The following NFIX variants were observed in gnomAD, a reference collection of about 807,000 sequenced individuals.
The protein encoded by NFIX is nuclear factor 1 X-type.
NFIX carries 2 observed loss-of-function variants against 53.3 expected under a neutral mutation model. The ratio of observed to expected loss-of-function variants is 0.04; its 90% confidence interval spans 0.02 to 0.12. The LOEUF is 0.12. NFIX is among the 10% of genes least tolerant of loss of function. NFIX has a pLI of 1.00. For missense variants in NFIX, 310 were observed against 674.5 expected (o/e 0.46, Z 5.99); for synonymous variants, 244 against 289.0 (o/e 0.84, Z 1.58).
rs1361608894 is a variant in NFIX, at chr19:13,040,603, C to T, written c.559+15051C>T. Among the ~76,000 whole-genome samples the T allele has an allele frequency of 6.6e-6, 1 of 152,186 alleles. No homozygotes were observed. Among genetic ancestry groups the T allele is most frequent in the Admixed American group, 6.5e-5 (1 of 15,284 alleles). ...ACAGACTCATGGCTGCTATTCCTGC[C>T]CTCCATCTCCTGGAGACCCCTTCAG... On this transcript the variant is annotated intron_variant, in intron 2 of 10. Transcript: ENST00000592199. The surrounding 1 kb of genome is among the most constrained non-coding windows in gnomAD (Gnocchi z 4.2).
intron 1 of NFIX, among the ~76,000 whole-genome samples, chr19:13,003,326 A>G (rs1033423680): frequency 3.3e-5 from 5 of 152,170 alleles, no homozygotes; most frequent in Non-Finnish European, 7.4e-5. Flanking sequence ...AGGGACGTGC[A>G]TGTGGGTGCA....
chr19:13,077,581 C>T (rs901882284), intron 6 of NFIX, among the ~76,000 whole-genome samples: 3 of 152,160 alleles, frequency 2.0e-5, no homozygotes, highest in Non-Finnish European at 2.9e-5. Context: ...GCCCTTCCCC[C>T]GCCCCTTCCC....
In NFIX at chr19:13,052,109, A is replaced by G. The variant is rs1167211282; in HGVS notation, c.560-20938A>G. On this transcript the variant is annotated intron_variant, in intron 2 of 10. Coordinates refer to ENST00000592199, the MANE Select transcript of NFIX (RefSeq NM_001365902.3). The surrounding 1 kb of genome is among the most constrained non-coding windows in gnomAD (Gnocchi z 5.2). ...AGGCATCCAGGTGGTGCCCGGGTTG[A>G]TATGCAGCTGCCTGCCCTTGCACCT... Among the ~76,000 whole-genome samples, 1 of 152,056 alleles carries G rather than the reference A, an allele frequency of 6.6e-6. No homozygotes were observed. Among genetic ancestry groups the G allele is most frequent in the Non-Finnish European group, 1.5e-5 (1 of 68,004 alleles).
At chr19:13,044,204 G>T (rs1156421576) in intron 2 of NFIX, among the ~76,000 whole-genome samples, 6 of 152,190 alleles carry the variant, frequency 3.9e-5, no homozygotes, top group Non-Finnish European at 7.3e-5. Flanking sequence ...GTGGGTAGTT[G>T]TGTAGGACAG....
In NFIX at chr19:13,005,392, G is replaced by A. The variant is rs933762410; in HGVS notation, c.27+9528G>A. 2.6e-5 allele frequency among the ~76,000 whole-genome samples: 4 copies of A among 152,156 alleles called. No individual in the cohort carries two copies. The highest frequency in any genetic ancestry group is 2.4e-5 in the African/African-American group (1 of 41,426). On this transcript the variant is annotated intron_variant, in intron 1 of 10. Coordinates refer to ENST00000592199, the MANE Select transcript of NFIX (RefSeq NM_001365902.3). This position sits in a 1 kb window ranked among gnomAD's most constrained non-coding sequence, Gnocchi z 4.7. ...GCAGGTACTGTTATTAGGAGAGTGG[G>A]GCCTGCAGAGCCAGCTTCCTGGGTT...
Position 13,067,628 on chromosome 19 carries a change from T to A in NFIX, c.560-5419T>A, listed in dbSNP as rs2016505881. Reference sequence around the variant, plus strand: ...CACACCCCTCAGCCTCCATAAAACTTGTTAGGCCAAAGTCCGTGGGGGCAA... The same window carrying A: ...CACACCCCTCAGCCTCCATAAAACTAGTTAGGCCAAAGTCCGTGGGGGCAA... On this transcript the variant is annotated intron_variant, in intron 2 of 10. Coordinates refer to ENST00000592199, the MANE Select transcript of NFIX (RefSeq NM_001365902.3). The surrounding 1 kb of genome is among the most constrained non-coding windows in gnomAD (Gnocchi z 4.2). 6.6e-6 allele frequency among the ~76,000 whole-genome samples: 1 copy of A among 152,014 alleles called. No homozygotes were observed. Among genetic ancestry groups the A allele is most frequent in the African/African-American group, 2.4e-5 (1 of 41,364 alleles).
intron 1 of NFIX, among the ~76,000 whole-genome samples, chr19:13,019,461 GTCT>G (rs1254434993): frequency 1.3e-5 from 2 of 152,108 alleles, no homozygotes; most frequent in Non-Finnish European, 2.9e-5. Context: ...GCCCTTTTCT[GTCT>G]TCTTATTTTT....
rs1310515899 is a variant in NFIX at position 13,045,021 on chromosome 19, G to C, written c.559+19469G>C. ...GACACGGGATGACTGCAGTACTGAG[G>C]ATGGTGAGAACAGCGGTGGCCCGCC... On this transcript the variant is annotated intron_variant, in intron 2 of 10. Coordinates refer to ENST00000592199, the MANE Select transcript of NFIX (RefSeq NM_001365902.3). This position sits in a 1 kb window ranked among gnomAD's most constrained non-coding sequence, Gnocchi z 4.4. 2.6e-5 allele frequency among the ~76,000 whole-genome samples: 4 copies of C among 152,210 alleles called. No homozygotes were observed. Among genetic ancestry groups the C allele is most frequent in the Non-Finnish European group, 4.4e-5 (3 of 68,016 alleles).
At position 13,090,283 on chromosome 19, in the gene NFIX, C is replaced by A; in HGVS notation, c.1403-16C>A. 6.2e-7 allele frequency: 1 copy of A among 1,613,376 alleles called. No homozygotes were observed. Among genetic ancestry groups the A allele is most frequent in the Non-Finnish European group, 8.5e-7 (1 of 1,179,396 alleles). The stretch of plus-strand genomic sequence containing the variant: ...GGCCTGACAGGGTCTCTCCCTCTCT[C>A]CCCTGCTCCCCACAGCATTCGCAAC... On this transcript the variant is annotated splice_polypyrimidine_tract_variant and intron_variant, in intron 9 of 10. Transcript: ENST00000592199. This position sits in a 1 kb window ranked among gnomAD's most constrained non-coding sequence, Gnocchi z 6.6.
chr19:13,056,034 G>A (rs779386464), intron 2 of NFIX, among the ~76,000 whole-genome samples: 1 of 152,190 alleles, frequency 6.6e-6, no homozygotes, highest in Non-Finnish European at 1.5e-5. Context: ...AGGGGAGTGA[G>A]GGCTGAAAAG....
rs1194955384 is a variant in NFIX, at chr19:13,001,518, T to C, written c.27+5654T>C. On this transcript the variant is annotated intron_variant, in intron 1 of 10. Coordinates refer to ENST00000592199, the MANE Select transcript of NFIX (RefSeq NM_001365902.3). The surrounding 1 kb of genome is among the most constrained non-coding windows in gnomAD (Gnocchi z 6.5). ...TCACCATCTTTGTATCTGCGCTTTG[T>C]ATCTGGGGTGACAGTGTCCCAGCGA... Among the ~76,000 whole-genome samples the C allele has an allele frequency of 6.6e-5, 10 of 152,146 alleles. No homozygotes were observed. The highest frequency in any genetic ancestry group is 1.5e-4 in the Non-Finnish European group (10 of 68,018).
chr19:13,062,181 C>T (rs2016132509), intron 2 of NFIX, among the ~76,000 whole-genome samples: 1 of 152,206 alleles, frequency 6.6e-6, no homozygotes. Context: ...TTCCTCTGGT[C>T]ATTCCAGCCC....
At chr19:13,015,974 C>T (rs1038022251) in intron 1 of NFIX, among the ~76,000 whole-genome samples, 2 of 152,180 alleles carry the variant, frequency 1.3e-5, no homozygotes, top group African/African-American at 4.8e-5. Context: ...ATTTCTAAGC[C>T]ATATAAATTA....
rs1195530631 is a variant in NFIX at position 13,088,185 on chromosome 19, G to A, written c.1402+49G>A. ...CCACAACGCCCAGCGTCCCCGGCCC[G>A]TCCAAACAGTCTCCACTGCAAAAAG... On this transcript the variant is annotated intron_variant, in intron 9 of 10. Coordinates refer to ENST00000592199, the MANE Select transcript of NFIX (RefSeq NM_001365902.3). This position sits in a 1 kb window ranked among gnomAD's most constrained non-coding sequence, Gnocchi z 5.9. 1.0e-5 allele frequency: 16 copies of A among 1,530,994 alleles called. No individual in the cohort carries two copies. The highest frequency in any genetic ancestry group is 1.7e-4 in the Middle Eastern group (1 of 5,994). 94.8% of individuals were successfully genotyped at this position (1,530,994 alleles called of 1,614,324 possible). A position where few individuals can be genotyped will look rare whatever the true frequency, so the allele number is the denominator to read the frequency against.
At chr19:13,035,252 C>T (rs972890934) in intron 2 of NFIX, among the ~76,000 whole-genome samples, 1 of 152,198 alleles carries the variant, frequency 6.6e-6, no homozygotes. Context: ...TCCTGTGTGT[C>T]CTGTGTTGTT....
At position 13,022,575 on chromosome 19, in the gene NFIX, C is replaced by G. The variant is rs2012997116; in HGVS notation, c.28-2446C>G. Among the ~76,000 whole-genome samples, 1 of 151,704 alleles carries G rather than the reference C, an allele frequency of 6.6e-6. No individual in the cohort carries two copies. Among genetic ancestry groups the G allele is most frequent in the African/African-American group, 2.4e-5 (1 of 41,226 alleles). ...CCGGGGAGGAAAACTTCCACTCGCCCCTGTGTGCTCCATAGGAAGAAAAAA... is the reference window on the plus strand; with the variant it reads ...CCGGGGAGGAAAACTTCCACTCGCCGCTGTGTGCTCCATAGGAAGAAAAAA... On this transcript the variant is annotated intron_variant, in intron 1 of 10. Transcript: ENST00000592199. The surrounding 1 kb of genome is among the most constrained non-coding windows in gnomAD (Gnocchi z 4.5).
chr19:13,020,808 G>A (rs1367436809), intron 1 of NFIX, among the ~76,000 whole-genome samples: 1 of 152,072 alleles, frequency 6.6e-6, no homozygotes, highest in African/African-American at 2.4e-5. Context: ...CGTGCATCTT[G>A]TCCTGTTTCC....
rs1291203167 is a variant in NFIX, at chr19:13,073,191, C to G, written c.622+82C>G. ...CCCCCACCCTGGCTGCCCTGGCCAC[C>G]CTCACTTCTTCCCCTTCATTCAGCT... On this transcript the variant is annotated intron_variant, in intron 3 of 10. Coordinates refer to ENST00000592199, the MANE Select transcript of NFIX (RefSeq NM_001365902.3). The surrounding 1 kb of genome is among the most constrained non-coding windows in gnomAD (Gnocchi z 4.5). 1 of 1,337,622 alleles carries G rather than the reference C, an allele frequency of 7.5e-7. No homozygotes were observed. The highest frequency in any genetic ancestry group is 1.4e-5 in the African/African-American group (1 of 69,660). 82.9% of individuals were successfully genotyped at this position (1,337,622 alleles called of 1,614,324 possible).
In NFIX at chr19:13,081,031, G is replaced by A. The variant is rs185696719; in HGVS notation, c.1079-649G>A. Among the ~76,000 whole-genome samples the A allele has an allele frequency of 2.0e-5, 3 of 151,600 alleles. No homozygotes were observed. Among genetic ancestry groups the A allele is most frequent in the Admixed American group, 2.0e-4 (3 of 15,218 alleles). ...AAAAATTCTTTAGGCTGGGCACAGT[G>A]GCTCATGCCTGTAATCCCAGCACTT... On this transcript the variant is annotated intron_variant, in intron 7 of 10. Coordinates refer to ENST00000592199, the MANE Select transcript of NFIX (RefSeq NM_001365902.3). The surrounding 1 kb of genome is among the most constrained non-coding windows in gnomAD (Gnocchi z 4.7).
Sources: allele counts gnomAD v4.1 joint callset (sites outside exome capture counted in the v4.1 genomes callset), GRCh38; gene constraint gnomAD v4.1.1; non-coding constraint Gnocchi (gnomAD v3.1); transcripts MANE v1.5; gene names NCBI Gene and HGNC (gene_info 2026-07-23, HGNC 2026-07-21).